Variants in OAS3 observed in about 807,000 individuals in gnomAD.
The protein encoded by OAS3 is 2'-5'-oligoadenylate synthase 3.
OAS3 carries 107 observed loss-of-function variants against 113.0 expected under a neutral mutation model. That is an observed-to-expected ratio of 0.95 (90% CI 0.81 to 1.11). The LOEUF (loss-of-function observed/expected upper bound fraction) is 1.11, where lower values mean the gene tolerates loss of function less well. Among genes scored for constraint, OAS3 ranks in the 50% most tolerant of loss-of-function variants. OAS3 has a pLI of 0.00. For missense variants in OAS3, 1,258 were observed against 1,389.1 expected, an observed-to-expected ratio of 0.91 and a Z score of 1.50; for synonymous variants, 552 against 573.6, an observed-to-expected ratio of 0.96 and a Z score of 0.54.
chr12:112,949,520 C>CCA (rs909457850), intron 6 of OAS3, among the ~76,000 whole-genome samples: 3 of 152,126 alleles, frequency 2.0e-5, no homozygotes, highest in African/African-American at 4.8e-5. Context: ...TTGACTTACT[C>CCA]CACACTGGCC....
intron 13 of OAS3, 134 bp downstream of exon 13, chr12:112,967,727 C>G (rs1434026707): frequency 5.3e-6 from 6 of 1,122,818 alleles, no homozygotes; most frequent in African/African-American, 3.2e-5. Context: ...AGTGCTATAT[C>G]TCAGCTGTGG....
intron 7 of OAS3, among the ~76,000 whole-genome samples, chr12:112,952,741 A>G (rs2043802866): frequency 6.6e-6 from 1 of 152,144 alleles, no homozygotes. Context: ...TTTCACCTCC[A>G]TGCTTGAATG....
At chr12:112,944,751 C>T in intron 3 of OAS3, 100 bp downstream of exon 3, 1 of 1,258,378 alleles carries the variant, frequency 7.9e-7, no homozygotes, top group African/African-American at 1.5e-5. Context: ...CATTCATGTT[C>T]TCTCTCTGGG....
chr12:112,939,306 CTTTTTTTTTTTTTTTTTTT>C (rs58792765), intron 1 of OAS3, among the ~76,000 whole-genome samples: 1 of 68,252 alleles, frequency 1.5e-5, no homozygotes, highest in South Asian at 7.6e-4. Context: ...TGAGTCACAT[CTTTTTTTTTTTTTTTTTTT>C]TTTTTTTTTT....
At chr12:112,953,799 T>G (rs2043811573) in intron 7 of OAS3, among the ~76,000 whole-genome samples, 1 of 152,238 alleles carries the variant, frequency 6.6e-6, no homozygotes, top group African/African-American at 2.4e-5. Context: ...TTGAGAAGTG[T>G]CTGTTCATAT....
At position 112,962,789 on chromosome 12, in the gene OAS3, G is replaced by A. The variant is rs777617175; in HGVS notation, c.1971G>A (p.Thr657=). ...DCFNMAQGFR[T]VLGLVQQHQQ... The stretch of plus-strand genomic sequence containing the variant: ...TCAACATGGCCCAAGGCTTCCGGAC[G>A]GTGCTGGGGCTCGTGCAACAGCATC... Residue 657 remains threonine (T), a synonymous_variant, in exon 9 of 16, where the codon ACG becomes ACA. Transcript: ENST00000228928. The A allele has an allele frequency of 2.7e-5, 43 of 1,613,878 alleles. No homozygotes were observed. The Middle Eastern group carries it at 6.6e-4, about 25-fold the overall frequency.
chr12:112,966,219 G>A (rs577507353), intron 12 of OAS3, among the ~76,000 whole-genome samples, 190 bp downstream of exon 12: 4 of 152,234 alleles, frequency 2.6e-5, no homozygotes, highest in East Asian at 1.9e-4. Flanking sequence ...TCTAATTTGC[G>A]CAGGCACTCT....
In OAS3 at chr12:112,967,938, T is replaced by C. The variant is rs902285441; in HGVS notation, c.2868T>C (p.Cys956=). The change falls in exon 14 of 16, where the codon TGT becomes TGC. Residue 956 remains cysteine, a splice_region_variant and synonymous_variant. Transcript: ENST00000228928. The part of the protein sequence containing the change: ...IRLVKHWYQQ[C]TKISKGRGSL... ...ATATCTTTCTTCTCGTTCTCCAGTG[T>C]ACCAAGATCTCCAAGGGGAGAGGCT... 2 of 1,613,302 alleles carry C rather than the reference T, an allele frequency of 1.2e-6. No homozygotes were observed. Among genetic ancestry groups the C allele is most frequent in the African/African-American group, 2.7e-5 (2 of 74,898 alleles).
chr12:112,961,324 C>A, intron 8 of OAS3, 78 bp downstream of exon 8: 1 of 1,262,214 alleles, frequency 7.9e-7, no homozygotes, highest in Non-Finnish European at 1.1e-6. Flanking sequence ...CTCCTCTACA[C>A]CCACATCTCC....
At chr12:112,967,803 T>G (rs778026368) in intron 13 of OAS3, 133 bp from the exon 14 acceptor site, 41 of 1,149,342 alleles carry the variant, frequency 3.6e-5, no homozygotes, top group Non-Finnish European at 4.9e-5. Flanking sequence ...GATGGGATAA[T>G]GCATGGCAAG....
At position 112,963,195 on chromosome 12, in the gene OAS3, A is replaced by G; in HGVS notation, c.2085-118A>G. 7.8e-7 allele frequency: 1 copy of G among 1,288,668 alleles called. No homozygotes were observed. Among genetic ancestry groups the G allele is most frequent in the Non-Finnish European group, 1.0e-6 (1 of 960,316 alleles). The allele number at this position is 1,288,668 out of a possible 1,614,324, so 79.8% of individuals were successfully genotyped here. A position where few individuals can be genotyped will look rare whatever the true frequency, so the allele number is the denominator to read the frequency against. On this transcript the variant is annotated intron_variant, in intron 9 of 15. Transcript: ENST00000228928. This position sits in a 1 kb window ranked among gnomAD's most constrained non-coding sequence, Gnocchi z 4.6. ...TCGCTTCTGCACTTGGGCAAGACTG[A>G]GCCAACCCTGAGGTCCTGACACTCT...
rs927132304 is a variant in OAS3 at position 112,965,677 on chromosome 12, T to C, written c.2404-67T>C. On this transcript the variant is annotated intron_variant, in intron 11 of 15. Coordinates refer to ENST00000228928, the MANE Select transcript of OAS3 (RefSeq NM_006187.4). ...AAGGTCACACAGTAGGTTTTCTAAC[T>C]CACAGTCCAGAACCGACAGGCTAAG... 5 of 1,470,442 alleles carry C rather than the reference T, an allele frequency of 3.4e-6. No homozygotes were observed. In the African/African-American group the frequency reaches 6.9e-5, roughly 20 times the overall value. 91.1% of individuals were successfully genotyped at this position (1,470,442 alleles called of 1,614,324 possible).
rs899157715 is a variant in OAS3 at position 112,965,795 on chromosome 12, C to T, written c.2455C>T (p.Leu819Phe). 7 of 1,613,668 alleles carry T rather than the reference C, an allele frequency of 4.3e-6. No homozygotes were observed. Among genetic ancestry groups the T allele is most frequent in the Non-Finnish European group, 5.1e-6 (6 of 1,179,878 alleles). ...TALRGRSDAD[L>F]VVFLSCFSQF... is the part of the protein sequence containing the mutation. ...TCTGCGAGGCCGCTCAGATGCCGAC[C>T]TCGTGGTGTTCCTCAGCTGCTTCAG... The change falls in exon 12 of 16, where the codon CTC becomes TTC. Residue 819 changes from leucine to phenylalanine, a missense_variant. Transcript: ENST00000228928.
At chr12:112,946,608 G>T in intron 3 of OAS3, 135 bp from the exon 4 acceptor site, 8 of 631,978 alleles carry the variant, frequency 1.3e-5, no homozygotes, top group East Asian at 3.8e-5. Flanking sequence ...AATGCCACTT[G>T]TTCTTGGAAC....
Position 112,943,060 on chromosome 12 carries a change from C to G in OAS3, c.460+1208C>G, listed in dbSNP as rs181555925. Among the ~76,000 whole-genome samples, 169 of 152,010 alleles carry G rather than the reference C, an allele frequency of 1.1e-3. 1 individual carries two copies. The East Asian group carries it at 0.028, about 25-fold the overall frequency. ...AAGCAATCCTCCCACCTCAGCCTCC[C>G]GAGTAGCTGGGCTACAGGCATGCAC... On this transcript the variant is annotated intron_variant, in intron 2 of 15. Coordinates refer to ENST00000228928, the MANE Select transcript of OAS3 (RefSeq NM_006187.4).
rs1453036430 is a variant in OAS3, at chr12:112,946,259, T to A, written c.637-484T>A. 2.0e-5 allele frequency among the ~76,000 whole-genome samples: 3 copies of A among 152,078 alleles called. No individual in the cohort carries two copies. The East Asian group carries it at 5.8e-4, about 29-fold the overall frequency. On this transcript the variant is annotated intron_variant, in intron 3 of 15. Coordinates refer to ENST00000228928, the MANE Select transcript of OAS3 (RefSeq NM_006187.4). ...GTAATCCCTCCCTGGTACGTGGAGA[T>A]CCCAAGTATATGGTGCACAAATAGA...
intron 7 of OAS3, among the ~76,000 whole-genome samples, chr12:112,957,599 T>C (rs901905734): frequency 1.3e-5 from 2 of 152,230 alleles, no homozygotes; most frequent in Non-Finnish European, 2.9e-5. Context: ...TTATGAAGCT[T>C]AGGTTGACTG....
At position 112,964,175 on chromosome 12, in the gene OAS3, G is replaced by C. The variant is rs1484402603; in HGVS notation, c.2230-60G>C. 4 of 1,513,936 alleles carry C rather than the reference G, an allele frequency of 2.6e-6. No individual in the cohort carries two copies. In the African/African-American group the frequency reaches 5.5e-5, roughly 21 times the overall value. 93.8% of individuals were successfully genotyped at this position (1,513,936 alleles called of 1,614,324 possible). A position where few individuals can be genotyped will look rare whatever the true frequency, so the allele number is the denominator to read the frequency against. ...GTCCTCAGAGGACATCAAGGGGCAG[G>C]GCTTGGGTGAGCACTGGGAGTCCCG... On this transcript the variant is annotated intron_variant, in intron 10 of 15. Coordinates refer to ENST00000228928, the MANE Select transcript of OAS3 (RefSeq NM_006187.4).
chr12:112,949,972 C>T (rs1019203053), intron 6 of OAS3, among the ~76,000 whole-genome samples: 34 of 152,100 alleles, frequency 2.2e-4, no homozygotes, highest in Non-Finnish European at 4.4e-4. Flanking sequence ...TGAGCTGAGA[C>T]CATGCCACTG....
Sources: allele counts gnomAD v4.1 joint callset (sites outside exome capture counted in the v4.1 genomes callset), GRCh38; gene constraint gnomAD v4.1.1; non-coding constraint Gnocchi (gnomAD v3.1); transcripts MANE v1.5; gene names NCBI Gene and HGNC (gene_info 2026-07-23, HGNC 2026-07-21).